Variants in ATP13A1 observed in about 807,000 individuals in gnomAD.
ATP13A1 encodes the protein ATPase 13A1.
In ATP13A1, 55 loss-of-function variants were observed where a neutral mutation model predicts 134.8. The ratio of observed to expected loss-of-function variants is 0.41; its 90% CI spans 0.33 to 0.51. The LOEUF (loss-of-function observed/expected upper bound fraction) is 0.51. Among genes scored for constraint, ATP13A1 ranks in the 20% least tolerant of loss-of-function variants. ATP13A1 has a pLI of 0.29. For missense variants in ATP13A1, 1,389 were observed against 1,652.8 expected (o/e 0.84, Z 2.77); for synonymous variants, 775 against 725.1 (o/e 1.07, Z -1.10).
chr19:19,646,575 T>A (rs1366402930), intron 22 of ATP13A1: 8 of 581,930 alleles, frequency 1.4e-5, no homozygotes, highest in Non-Finnish European at 2.4e-5. Context: ...AGGCTCCCCA[T>A]GGCAGCCACA....
At position 19,663,582 on chromosome 19, in the gene ATP13A1, C is replaced by A. The variant is rs1030400100; in HGVS notation, c.85G>T (p.Gly29Trp). 7.5e-6 allele frequency: 11 copies of A among 1,462,672 alleles called. No homozygotes were observed. The African/African-American group carries it at 1.2e-4, about 16-fold the overall frequency. The allele number at this position is 1,462,672 out of a possible 1,614,324, so 90.6% of individuals were successfully genotyped here. The part of the protein sequence containing the change: ...GVRPDGQPKP[G>W]PQPRALLAAG... ...GCAAGGAGCGCGCGCGGCTGCGGCCCGGGCTTGGGCTGCCCGTCAGGCCGG... is the reference window on the plus strand; with the variant it reads ...GCAAGGAGCGCGCGCGGCTGCGGCCAGGGCTTGGGCTGCCCGTCAGGCCGG... The change falls in exon 1 of 26, where the codon GGG becomes TGG. Residue 29 changes from glycine (G) to tryptophan (W), a missense_variant. Physicochemically the swap from Gly to Trp is radical, Grantham distance 184. Around this residue, in one of 4 missense-constraint regions of ATP13A1, gnomAD observed 293 missense variants for 270.8 expected, o/e 1.08. Coordinates refer to ENST00000357324, the MANE Select transcript of ATP13A1 (RefSeq NM_020410.3).
chr19:19,650,031 C>T lies in ATP13A1; in HGVS notation c.2336-91G>A, dbSNP rs768134940. ...CACTCGGACCCCAGCACCAGCCAGT[C>T]TCTCCTCTCTGGAGCCCGCACCTCC... On this transcript the variant is annotated intron_variant, in intron 17 of 25. Transcript: ENST00000357324. The T allele has an allele frequency of 1.1e-4, 141 of 1,239,280 alleles. 2 individuals carry two copies. The Middle Eastern group carries it at 2.2e-3, about 19-fold the overall frequency. 76.8% of individuals were successfully genotyped at this position (1,239,280 alleles called of 1,614,324 possible).
chr19:19,654,758 C>T lies in ATP13A1; in HGVS notation c.1656-58G>A. ...GCAGGCGGGTAGGGCGAAGCTGCAT[C>T]CCCACCAGCAGAAGGACCCCCAAGG... On this transcript the variant is annotated intron_variant, in intron 12 of 25. Coordinates refer to ENST00000357324, the MANE Select transcript of ATP13A1 (RefSeq NM_020410.3). The T allele has an allele frequency of 3.2e-6, 5 of 1,545,756 alleles. No individual in the cohort carries two copies. In the South Asian group the frequency reaches 4.7e-5, roughly 15 times the overall value.
rs2062053524 is a variant in ATP13A1, at chr19:19,655,780, A to G, written c.1269+98T>C. The G allele has an allele frequency of 6.5e-7, 1 of 1,532,916 alleles. No homozygotes were observed. The highest frequency in any genetic ancestry group is 1.2e-5 in the South Asian group (1 of 83,152). The allele number at this position is 1,532,916 out of a possible 1,614,324, so 95.0% of individuals were successfully genotyped here. On this transcript the variant is annotated intron_variant, in intron 9 of 25. Coordinates refer to ENST00000357324, the MANE Select transcript of ATP13A1 (RefSeq NM_020410.3). The surrounding 1 kb of genome is among the most constrained non-coding windows in gnomAD (Gnocchi z 5.7). ...CCCAGGTCCAGGGCCGTGCTGCCAG[A>G]GTCAGCCCGTGGGGCAGATGTTCTG...
chr19:19,646,384 G>C (rs752868978), intron 22 of ATP13A1, 37 bp from the exon 23 acceptor site: 3 of 1,611,994 alleles, frequency 1.9e-6, no homozygotes, highest in Non-Finnish European at 2.5e-6. Context: ...TCAGGATCTG[G>C]CTCACTTGGG....
At chr19:19,663,232 C>A (rs2062105820) in intron 1 of ATP13A1, 39 bp downstream of exon 1, 1 of 1,558,178 alleles carries the variant, frequency 6.4e-7, no homozygotes, top group Non-Finnish European at 8.7e-7. Context: ...CGGCGAGGCT[C>A]GACCGTGCTG....
intron 15 of ATP13A1, chr19:19,652,926 T>C (rs1599431605): frequency 1.5e-6 from 1 of 664,562 alleles, no homozygotes; most frequent in South Asian, 2.0e-5. Flanking sequence ...GACTGGGGGG[T>C]CTGGGTCCCC....
chr19:19,656,779 G>A lies in ATP13A1; in HGVS notation c.977-13C>T. ...TGTGGGGAGCGGCCTGCAGGGCAGA[G>A]GCAGGAGGGTTGGCCAGAGGCCCTG... On this transcript the variant is annotated splice_polypyrimidine_tract_variant and intron_variant, in intron 6 of 25. Transcript: ENST00000357324. This position sits in a 1 kb window ranked among gnomAD's most constrained non-coding sequence, Gnocchi z 4.6. 1.2e-6 allele frequency: 2 copies of A among 1,613,288 alleles called. No individual in the cohort carries two copies. The highest frequency in any genetic ancestry group is 2.2e-5 in the South Asian group (2 of 91,024).
chr19:19,657,240 A>G, intron 4 of ATP13A1, 91 bp from the exon 5 acceptor site: 1 of 1,489,086 alleles, frequency 6.7e-7, no homozygotes, highest in East Asian at 2.5e-5. Context: ...GAGGGTGGGG[A>G]GAGGCTTCCA....
In ATP13A1 at chr19:19,655,361, G is replaced by C. The variant is rs2062050623; in HGVS notation, c.1489C>G (p.Leu497Val). Residue 497 changes from leucine to valine, a missense_variant, in exon 11 of 26, where the codon CTG becomes GTG. Around this residue, in one of 4 missense-constraint regions of ATP13A1, gnomAD observed 747 missense variants for 956.1 expected, o/e 0.78. Transcript: ENST00000357324. This position sits in a 1 kb window ranked among gnomAD's most constrained non-coding sequence, Gnocchi z 5.7. ...SVVPPELPIE[L>V]SLAVNTSLIA... ...AGGGAGGTGTTGACGGCCAGGGACA[G>C]CTCGATGGGCAGCTCAGGAGGCACG... 1 of 1,613,860 alleles carries C rather than the reference G, an allele frequency of 6.2e-7. No individual in the cohort carries two copies. Among genetic ancestry groups the C allele is most frequent in the African/African-American group, 1.3e-5 (1 of 74,936 alleles).
At chr19:19,659,836 G>A (rs763138430) in intron 2 of ATP13A1, 45 bp from the exon 3 acceptor site, 35 of 1,601,240 alleles carry the variant, frequency 2.2e-5, no homozygotes, top group Non-Finnish European at 4.3e-6. Context: ...TGACCTTGGG[G>A]TGTCAGCGCC....
In ATP13A1 at chr19:19,646,221, C is replaced by T; in HGVS notation, c.3232G>A (p.Ala1078Thr). The change falls in exon 23 of 26, where the codon GCC (alanine) becomes ACC (threonine). Residue 1078 changes from alanine to threonine, a missense_variant. By Grantham distance (58) the Ala-to-Thr change is moderately conservative (BLOSUM62 0). Around this residue, in one of 4 missense-constraint regions of ATP13A1, gnomAD observed 228 missense variants for 321.0 expected, o/e 0.71. Coordinates refer to ENST00000357324, the MANE Select transcript of ATP13A1 (RefSeq NM_020410.3). ...AGCACTTACTTCTCGGGGCTCCGGG[C>T]CTGGGCCTCACGGTACAGGTAGACA... The part of the protein sequence containing the change: ...SLVYLYREAQ[A>T]RSPEKQEQFV... The T allele has an allele frequency of 6.2e-7, 1 of 1,613,916 alleles. No individual in the cohort carries two copies. The highest frequency in any genetic ancestry group is 8.5e-7 in the Non-Finnish European group (1 of 1,179,846).
intron 1 of ATP13A1, among the ~76,000 whole-genome samples, chr19:19,660,871 G>C (rs1310826276): frequency 6.6e-6 from 1 of 151,582 alleles, no homozygotes; most frequent in Non-Finnish European, 1.5e-5. Flanking sequence ...ACGAGGTCAG[G>C]AGTTTGAGAC....
In ATP13A1 at chr19:19,663,543, G is replaced by A; in HGVS notation, c.124C>T (p.Leu42Phe). 1 of 1,518,520 alleles carries A rather than the reference G, an allele frequency of 6.6e-7. No individual in the cohort carries two copies. Among genetic ancestry groups the A allele is most frequent in the South Asian group, 1.2e-5 (1 of 82,144 alleles). 94.1% of individuals were successfully genotyped at this position (1,518,520 alleles called of 1,614,324 possible). Residue 42 changes from leucine to phenylalanine, a missense_variant, in exon 1 of 26, where the codon CTC becomes TTC. Physicochemically the swap from Leu to Phe is conservative, Grantham distance 22. Coordinates refer to ENST00000357324, the MANE Select transcript of ATP13A1 (RefSeq NM_020410.3). ...ACCAGCTCGTCACCGTTCGCTATGA[G>A]CGCCGGCCCGGCGGCAAGGAGCGCG... ...PRALLAAGPALIANGDELVAA... is the reference protein window; with the variant it reads ...PRALLAAGPAFIANGDELVAA...
rs921857601 is a variant in ATP13A1, at chr19:19,645,786, G to A, written c.3365C>T (p.Pro1122Leu). 7.4e-6 allele frequency: 12 copies of A among 1,612,060 alleles called. No individual in the cohort carries two copies. Among genetic ancestry groups the A allele is most frequent in the African/African-American group, 1.3e-5 (1 of 74,858 alleles). The change falls in exon 25 of 26, where the codon CCG becomes CTG. Residue 1122 changes from proline (P) to leucine (L), a missense_variant. Physicochemically the swap from Pro to Leu is moderately conservative, Grantham distance 98. Transcript: ENST00000357324. This position sits in a 1 kb window ranked among gnomAD's most constrained non-coding sequence, Gnocchi z 4.1. ...CTCGGGCAGGCTCTCCATGAAGGGC[G>A]GGCCCTGTGGGGATGAGGGACAGAT... is the stretch of plus-strand genomic sequence containing the variant. Reference protein sequence around the residue: ...MATFAINYKGPPFMESLPENK... With the variant: ...MATFAINYKGLPFMESLPENK...
intron 12 of ATP13A1, 88 bp from the exon 13 acceptor site, chr19:19,654,788 TC>T: frequency 4.1e-6 from 6 of 1,462,448 alleles, no homozygotes; most frequent in Non-Finnish European, 5.5e-6. Context: ...CCAAGGCCAT[TC>T]ATTCCGTGCT....
chr19:19,662,662 C>T (rs2062101819), intron 1 of ATP13A1, among the ~76,000 whole-genome samples: 1 of 152,192 alleles, frequency 6.6e-6, no homozygotes, highest in Non-Finnish European at 1.5e-5. Flanking sequence ...TCAGTATCAC[C>T]ACCCTCATTT....
chr19:19,660,781 C>T (rs756408789), intron 1 of ATP13A1, among the ~76,000 whole-genome samples: 10 of 147,314 alleles, frequency 6.8e-5, no homozygotes, highest in Non-Finnish European at 7.4e-5. Context: ...GAGCAGGACT[C>T]TGTCTCAAAA....
chr19:19,652,835 C>T lies in ATP13A1; in HGVS notation c.2101-115G>A, dbSNP rs553939024. On this transcript the variant is annotated intron_variant, in intron 15 of 25. Transcript: ENST00000357324. ...AGGGGACAATGGAAGGCCCTGTTCC[C>T]GTAGTGGGCACATGCGAGGGTTGGG... 68 of 1,377,720 alleles carry T rather than the reference C, an allele frequency of 4.9e-5. No individual in the cohort carries two copies. In the East Asian group the frequency reaches 1.4e-3, roughly 29 times the overall value. The allele number at this position is 1,377,720 out of a possible 1,614,324, so 85.3% of individuals were successfully genotyped here.
Sources: allele counts gnomAD v4.1 joint callset (sites outside exome capture counted in the v4.1 genomes callset), GRCh38; gene constraint gnomAD v4.1.1; regional missense constraint gnomAD v4.1.1; non-coding constraint Gnocchi (gnomAD v3.1); transcripts MANE v1.5; gene names NCBI Gene and HGNC (gene_info 2026-07-23, HGNC 2026-07-21).